TEX9: variants seen among roughly 807,000 people sequenced by gnomAD.
TEX9 encodes testis expressed 9.
In TEX9, 74 loss-of-function variants were observed where a neutral mutation model predicts 59.6. The observed-to-expected ratio is 1.24, with a 90% CI of 1.03 to 1.51. TEX9 has a LOEUF of 1.51. Among genes scored for constraint, TEX9 ranks in the 40% most tolerant of loss-of-function variants. The pLI, the probability that TEX9 is intolerant of heterozygous loss-of-function variation, is 0.00. For synonymous variants in TEX9, 186 were observed against 152.2 expected (o/e 1.22, Z -1.64); for missense variants, 522 against 447.8 (o/e 1.17, Z -1.49).
At chr15:56,367,326 C>G (rs1416336443) in intron 2 of TEX9, among the ~76,000 whole-genome samples, 3 of 152,210 alleles carry the variant, frequency 2.0e-5, no homozygotes, top group African/African-American at 7.2e-5. Flanking sequence ...AGTAAAATGT[C>G]TGGCCATCCC....
At chr15:56,355,489 T>A (rs1465528944) in intron 1 of TEX9, among the ~76,000 whole-genome samples, 1 of 152,190 alleles carries the variant, frequency 6.6e-6, no homozygotes, top group Non-Finnish European at 1.5e-5. Flanking sequence ...GTCTGCATTT[T>A]TTATCAGCAC....
At chr15:56,272,810 T>G (rs891941067) in intron 1 of TEX9, among the ~76,000 whole-genome samples, 14 of 152,228 alleles carry the variant, frequency 9.2e-5, no homozygotes, top group African/African-American at 3.4e-4. Context: ...TTATTGATAT[T>G]GTCAGATTTA....
intron 2 of TEX9, among the ~76,000 whole-genome samples, chr15:56,369,668 A>G (rs1327195224): frequency 2.0e-5 from 3 of 152,188 alleles, no homozygotes; most frequent in Admixed American, 1.3e-4. Context: ...TGTGATATTA[A>G]GTTTTTAAAT....
At chr15:56,376,369 A>G (rs111467026) in intron 3 of TEX9, among the ~76,000 whole-genome samples, 4,027 of 152,234 alleles carry the variant, frequency 0.026, 175 homozygotes, top group African/African-American at 0.092. Context: ...CATTCCCACC[A>G]ACAGTGTACT....
At chr15:56,361,931 G>A (rs2141923251), upstream of TEX9, among the ~76,000 whole-genome samples, 1 of 146,964 alleles carries the variant, frequency 6.8e-6, no homozygotes, top group Non-Finnish European at 1.5e-5. Context: ...CTTCTAGCCT[G>A]GTTTTGGACT....
rs2047833903 is a variant in TEX9, at chr15:56,383,633, C to T, written c.184-319C>T. ...TTATTTTTTAAATTTCTTGTGCCTC[C>T]TTCTAATTTCTGCTGTATGCTGTAT... On this transcript the variant is annotated intron_variant, in intron 3 of 12. Transcript: ENST00000352903. Among the ~76,000 whole-genome samples, 3 of 152,124 alleles carry T rather than the reference C, an allele frequency of 2.0e-5. No individual in the cohort carries two copies. The South Asian group carries it at 6.2e-4, about 32-fold the overall frequency.
intron 1 of TEX9, among the ~76,000 whole-genome samples, chr15:56,353,380 C>T (rs369088126): frequency 3.3e-5 from 5 of 152,044 alleles, no homozygotes; most frequent in East Asian, 3.9e-4. Flanking sequence ...ACTCAACTTC[C>T]GGTATTTTTA....
At chr15:56,456,874 T>C in the TEX9 span, among the ~76,000 whole-genome samples, 1 of 152,166 alleles carries the variant, frequency 6.6e-6, no homozygotes, top group Non-Finnish European at 1.5e-5. Context: ...CTAGACATCA[T>C]GTCACTTACC....
chr15:56,301,020 T>C (rs553135687), intron 1 of TEX9, among the ~76,000 whole-genome samples: 4 of 152,312 alleles, frequency 2.6e-5, no homozygotes, highest in Non-Finnish European at 5.9e-5. Context: ...ATAAGGCACT[T>C]GGTTGACAAA....
chr15:56,325,209 C>A (rs983517330), intron 1 of TEX9, among the ~76,000 whole-genome samples: 23 of 152,164 alleles, frequency 1.5e-4, no homozygotes, highest in African/African-American at 5.3e-4. Flanking sequence ...TCATATAGTC[C>A]GCTTATTTAT....
At chr15:56,315,104 A>T (rs2141653146) in intron 1 of TEX9, among the ~76,000 whole-genome samples, 1 of 151,006 alleles carries the variant, frequency 6.6e-6, no homozygotes, top group African/African-American at 2.4e-5. Flanking sequence ...CTCTTTATCC[A>T]ATTTGCCAGT....
intron 12 of TEX9, among the ~76,000 whole-genome samples, chr15:56,433,474 A>G (rs1344186817): frequency 6.6e-6 from 1 of 152,140 alleles, no homozygotes; most frequent in Non-Finnish European, 1.5e-5. Flanking sequence ...TATTAGGGGT[A>G]GCCTTAAGTC....
intron 10 of TEX9, among the ~76,000 whole-genome samples, chr15:56,413,250 ATTTATT>A (rs1190102719): frequency 6.3e-5 from 3 of 47,762 alleles, no homozygotes; most frequent in African/African-American, 1.3e-4. Flanking sequence ...AAATAATTTA[ATTTATT>A]TAATTAAATA....
Position 56,324,619 on chromosome 15 carries a change from C to T in TEX9, c.-106-48822C>T, listed in dbSNP as rs1490345860. Among the ~76,000 whole-genome samples the T allele has an allele frequency of 6.6e-5, 10 of 152,280 alleles. No homozygotes were observed. In the South Asian group the frequency reaches 8.3e-4, roughly 13 times the overall value. On this transcript the variant is annotated intron_variant, in intron 1 of 5. Coordinates refer to the TEX9 transcript ENST00000560827. ...ATAGGCTTTTCCACAGCTGCATGAACGGACAAAGTATGGAAATGTGGTGAA... is the reference window on the plus strand; with the variant it reads ...ATAGGCTTTTCCACAGCTGCATGAATGGACAAAGTATGGAAATGTGGTGAA...
At chr15:56,296,924 G>A (rs1386126004) in intron 1 of TEX9, among the ~76,000 whole-genome samples, 6 of 151,978 alleles carry the variant, frequency 3.9e-5, no homozygotes, top group South Asian at 2.1e-4. Flanking sequence ...AATATTGAAC[G>A]TAGATGTTAA....
At chr15:56,334,244 C>T (rs1238963121) in intron 1 of TEX9, among the ~76,000 whole-genome samples, 2 of 152,132 alleles carry the variant, frequency 1.3e-5, no homozygotes, top group African/African-American at 2.4e-5. Context: ...AACTACACTA[C>T]CTGACTTCAA....
chr15:56,290,872 C>T (rs1260759585), intron 1 of TEX9, among the ~76,000 whole-genome samples: 1 of 151,322 alleles, frequency 6.6e-6, no homozygotes, highest in South Asian at 2.1e-4. Flanking sequence ...TGGTTTGTGA[C>T]TAGCTGTCAT....
intron 1 of TEX9, among the ~76,000 whole-genome samples, chr15:56,345,387 A>G (rs1257900087): frequency 6.6e-6 from 1 of 152,132 alleles, no homozygotes; most frequent in Non-Finnish European, 1.5e-5. Flanking sequence ...AACAACTCAT[A>G]ATGTATGCCT....
chr15:56,350,798 T>G (rs1351659837), intron 1 of TEX9, among the ~76,000 whole-genome samples: 1 of 152,194 alleles, frequency 6.6e-6, no homozygotes, highest in East Asian at 1.9e-4. Flanking sequence ...TGTCTTCCAT[T>G]AGTATAAACC....
Sources: gnomAD v4.1 joint callset for allele counts (sites outside exome capture counted in the v4.1 genomes callset) on GRCh38, gnomAD v4.1.1 for gene constraint, MANE v1.5 for transcripts, NCBI Gene and HGNC (gene_info 2026-07-23, HGNC 2026-07-21) for gene names.